GOSR2: variants seen among roughly 807,000 people sequenced by gnomAD.
The protein encoded by GOSR2 is golgi SNAP receptor complex member 2.
GOSR2 carries 20 observed loss-of-function variants against 27.9 expected under a neutral mutation model. That is an observed-to-expected ratio of 0.72 (90% CI 0.50 to 1.04). The LOEUF (loss-of-function observed/expected upper bound fraction) is 1.04, where lower values mean the gene tolerates loss of function less well. Among genes scored for constraint, GOSR2 ranks in the 50% least tolerant of loss-of-function variants. The pLI is 0.00. For missense variants in GOSR2, 261 were observed against 270.5 expected (o/e 0.97, Z 0.25); for synonymous variants, 91 against 98.8 (o/e 0.92, Z 0.47).
chr17:46,958,773 T>G lies in GOSR2; in HGVS notation c.584-7761T>G, dbSNP rs144856560. 1.1e-3 allele frequency among the ~76,000 whole-genome samples: 173 copies of G among 152,348 alleles called. 1 individual carries two copies. In the East Asian group the frequency reaches 0.023, roughly 20 times the overall value. On this transcript the variant is annotated intron_variant, in intron 6 of 6. Coordinates refer to the GOSR2 transcript ENST00000573224. Reference sequence around the variant, plus strand: ...TCAAAGGTTCTGGGACATTTAAGTCTGCCTGAAAACTGAGTCCAGTCCATA... The same window carrying G: ...TCAAAGGTTCTGGGACATTTAAGTCGGCCTGAAAACTGAGTCCAGTCCATA...
At chr17:46,948,062 C>T (rs1319634325) in intron 6 of GOSR2, among the ~76,000 whole-genome samples, 2 of 151,254 alleles carry the variant, frequency 1.3e-5, no homozygotes, top group African/African-American at 2.4e-5. Context: ...TGAGCCACCG[C>T]GCCCAGCCTA....
intron 6 of GOSR2, among the ~76,000 whole-genome samples, chr17:46,948,396 A>G (rs978221526): frequency 5.9e-5 from 9 of 152,230 alleles, no homozygotes; most frequent in Admixed American, 2.0e-4. Flanking sequence ...ATTGTGAGTC[A>G]AGGATCTGAT....
At chr17:46,963,681 C>T (rs1412006064) in intron 6 of GOSR2, 1 of 152,232 alleles carries the variant, frequency 6.6e-6, no homozygotes, top group Non-Finnish European at 1.5e-5. Flanking sequence ...TGCTCACTGC[C>T]TGTCTTTTCT....
At chr17:46,929,712 T>C in intron 2 of GOSR2, 128 bp downstream of exon 2, 1 of 674,736 alleles carries the variant, frequency 1.5e-6, no homozygotes, top group Non-Finnish European at 2.7e-6. Flanking sequence ...GTTGTTAGGG[T>C]GGACAGAAAA....
chr17:46,946,015 G>A (rs564720800), downstream of GOSR2, among the ~76,000 whole-genome samples: 2 of 152,244 alleles, frequency 1.3e-5, no homozygotes, highest in Admixed American at 1.3e-4. Flanking sequence ...CAATCCAGGG[G>A]CCCTGGGAGA....
At chr17:46,962,075 T>C (rs745924793) in intron 6 of GOSR2, among the ~76,000 whole-genome samples, 2 of 152,192 alleles carry the variant, frequency 1.3e-5, no homozygotes, top group Admixed American at 1.3e-4. Context: ...CTCATGCCTG[T>C]AATCTCAGCA....
rs1198722468 is a variant in GOSR2, at chr17:46,941,138, T to G, written c.*2378T>G. 2.0e-6 allele frequency: 2 copies of G among 1,018,976 alleles called. No individual in the cohort carries two copies. Among genetic ancestry groups the G allele is most frequent in the Non-Finnish European group, 2.4e-6 (2 of 848,502 alleles). 63.1% of individuals were successfully genotyped at this position (1,018,976 alleles called of 1,614,324 possible). On this transcript the variant is annotated 3_prime_UTR_variant, in exon 6 of 6. Transcript: ENST00000640051. ...GTGGGTTATCAAGAGGAACTTGAGA[T>G]CTCTTTATTACATGGACATTTACTT...
At position 46,940,485 on chromosome 17, in the gene GOSR2, A is replaced by G. The variant is rs1435666003; in HGVS notation, c.*1725A>G. The G allele has an allele frequency of 6.2e-7, 1 of 1,612,940 alleles. No individual in the cohort carries two copies. Among genetic ancestry groups the G allele is most frequent in the Non-Finnish European group, 8.5e-7 (1 of 1,179,806 alleles). Reference sequence around the variant, plus strand: ...AGCACTGCTGCGGTGCCAGGGACCTAGCGCAGGACTTTTGGTAATCCATAA... The same window carrying G: ...AGCACTGCTGCGGTGCCAGGGACCTGGCGCAGGACTTTTGGTAATCCATAA... On this transcript the variant is annotated 3_prime_UTR_variant, in exon 6 of 6. Transcript: ENST00000640051.
intron 4 of GOSR2, among the ~76,000 whole-genome samples, chr17:46,934,220 C>A (rs1308053658): frequency 1.4e-5 from 2 of 138,384 alleles, no homozygotes; most frequent in East Asian, 3.9e-4. Context: ...TGATCTTGGA[C>A]AAGTTATTCT....
chr17:46,955,583 A>G (rs2090656307), intron 6 of GOSR2: 1 of 151,996 alleles, frequency 6.6e-6, no homozygotes, highest in African/African-American at 2.4e-5. Flanking sequence ...TTAAGGAAAA[A>G]CTCATTAATT....
intron 1 of GOSR2, among the ~76,000 whole-genome samples, chr17:46,926,524 C>G (rs932890082): frequency 3.9e-5 from 6 of 152,278 alleles, no homozygotes; most frequent in Admixed American, 1.3e-4. Flanking sequence ...ATCACCCAAG[C>G]CCACCATGGA....
At chr17:46,957,980 T>C (rs1202088488) in intron 6 of GOSR2, among the ~76,000 whole-genome samples, 2 of 152,174 alleles carry the variant, frequency 1.3e-5, no homozygotes, top group Non-Finnish European at 2.9e-5. Flanking sequence ...GACTCCTAAC[T>C]TTGAGAGTTG....
In GOSR2 at chr17:46,939,989, C is replaced by G; in HGVS notation, c.*1229C>G. ...CAAGACATAAAATGACACTCAAAAT[C>G]CTTCAGATCTGGAAACCGGCTCAGT... On this transcript the variant is annotated 3_prime_UTR_variant, in exon 6 of 6. Transcript: ENST00000640051. 1 of 1,010,190 alleles carries G rather than the reference C, an allele frequency of 9.9e-7. No individual in the cohort carries two copies. Among genetic ancestry groups the G allele is most frequent in the Non-Finnish European group, 1.2e-6 (1 of 843,512 alleles). 62.6% of individuals were successfully genotyped at this position (1,010,190 alleles called of 1,614,324 possible).
chr17:46,929,607 CAG>C (rs769372473), intron 2 of GOSR2, 23 bp downstream of exon 2: 8 of 1,217,994 alleles, frequency 6.6e-6, no homozygotes, highest in Non-Finnish European at 8.6e-6. Flanking sequence ...CTGTGGAGAC[CAG>C]AGTCCTTTCT....
intron 5 of GOSR2, 43 bp from the exon 6 acceptor site, chr17:46,938,556 G>T: frequency 6.2e-7 from 1 of 1,612,814 alleles, no homozygotes; most frequent in African/African-American, 1.3e-5. Flanking sequence ...TCTTGGTAAA[G>T]CGACTTGATG....
downstream of GOSR2, among the ~76,000 whole-genome samples, chr17:46,975,761 C>T (rs927979235): frequency 3.3e-5 from 5 of 152,288 alleles, no homozygotes; most frequent in Admixed American, 2.6e-4. Flanking sequence ...AGTACACACG[C>T]GTCTTCACTA....
Position 46,936,622 on chromosome 17 carries a change from A to G in GOSR2, c.477+1453A>G, listed in dbSNP as rs1001076852. The G allele has an allele frequency of 8.1e-6, 8 of 985,262 alleles. No homozygotes were observed. The African/African-American group carries it at 1.4e-4, about 17-fold the overall frequency. 61.0% of individuals were successfully genotyped at this position (985,262 alleles called of 1,614,324 possible). On this transcript the variant is annotated intron_variant, in intron 5 of 5. Transcript: ENST00000640051. Reference sequence around the variant, plus strand: ...CTGAAGCACTCTGATGACTGGGGCCAATTTGTGGCTGAAAATGAATACATT... The same window carrying G: ...CTGAAGCACTCTGATGACTGGGGCCGATTTGTGGCTGAAAATGAATACATT...
chr17:46,950,259 C>T (rs1283000581), intron 6 of GOSR2, among the ~76,000 whole-genome samples: 1 of 152,214 alleles, frequency 6.6e-6, no homozygotes, highest in Non-Finnish European at 1.5e-5. Context: ...GGTCTTCTTC[C>T]CTCCATACTG....
At chr17:46,958,467 G>A (rs901600539) in intron 6 of GOSR2, among the ~76,000 whole-genome samples, 4 of 152,178 alleles carry the variant, frequency 2.6e-5, no homozygotes, top group African/African-American at 9.7e-5. Flanking sequence ...AAGTGCTGAC[G>A]GCAGGAAGCA....
Sources: allele counts gnomAD v4.1 joint callset (sites outside exome capture counted in the v4.1 genomes callset), GRCh38; gene constraint gnomAD v4.1.1; transcripts MANE v1.5; gene names NCBI Gene and HGNC (gene_info 2026-07-23, HGNC 2026-07-21).